Variants in RANBP17 observed in about 807,000 individuals in gnomAD.
The protein encoded by RANBP17 is RAN binding protein 17.
In RANBP17, 158 loss-of-function variants were observed where a neutral mutation model predicts 141.2. The ratio of observed to expected loss-of-function variants is 1.12; its 90% CI spans 0.98 to 1.28. The LOEUF (loss-of-function observed/expected upper bound fraction) is 1.28. RANBP17 is among the 50% of genes most tolerant of loss of function. The pLI is 0.00. For synonymous variants in RANBP17, 430 were observed against 450.0 expected, an observed-to-expected ratio of 0.96 and a Z score of 0.56; for missense variants, 1,438 against 1,290.7, an observed-to-expected ratio of 1.11 and a Z score of -1.75.
intron 14 of RANBP17, among the ~76,000 whole-genome samples, chr5:171,019,512 T>C (rs1780700264): frequency 6.6e-6 from 1 of 152,158 alleles, no homozygotes; most frequent in Non-Finnish European, 1.5e-5. Context: ...CAGGAATTTA[T>C]CCATTTCTTC....
intron 14 of RANBP17, among the ~76,000 whole-genome samples, chr5:171,057,388 A>G (rs1248983930): frequency 6.6e-6 from 1 of 152,116 alleles, no homozygotes; most frequent in African/African-American, 2.4e-5. Context: ...ATACATATTT[A>G]TATAATTATG....
chr5:171,111,743 T>A (rs35773708), intron 14 of RANBP17, among the ~76,000 whole-genome samples: 35 of 152,246 alleles, frequency 2.3e-4, no homozygotes, highest in Admixed American at 2.3e-3. Context: ...TAACTTTCTG[T>A]GATTTCTTCT....
At chr5:171,053,349 G>A (rs928544772) in intron 14 of RANBP17, among the ~76,000 whole-genome samples, 8 of 151,992 alleles carry the variant, frequency 5.3e-5, no homozygotes. Context: ...TTCAACTCTT[G>A]CTCCCTTACT....
chr5:171,199,823 T>C (rs773727872), intron 19 of RANBP17, 50 bp downstream of exon 19: 10 of 1,140,656 alleles, frequency 8.8e-6, no homozygotes, highest in Non-Finnish European at 1.3e-5. Context: ...TTTTCTAGGA[T>C]ATCTAGATCC....
At chr5:170,974,184 C>T (rs376112542) in intron 14 of RANBP17, among the ~76,000 whole-genome samples, 10 of 152,294 alleles carry the variant, frequency 6.6e-5, no homozygotes, top group African/African-American at 2.4e-4. Context: ...TGAGACTCCA[C>T]AGTGATTCAT....
intron 11 of RANBP17, among the ~76,000 whole-genome samples, chr5:170,923,863 T>C (rs1025279778): frequency 1.3e-5 from 2 of 152,216 alleles, no homozygotes; most frequent in Admixed American, 1.3e-4. Context: ...TTAGTTAAAC[T>C]TACCTATTAG....
chr5:171,149,439 TG>T (rs1758316755), intron 14 of RANBP17, among the ~76,000 whole-genome samples: 1 of 152,252 alleles, frequency 6.6e-6, no homozygotes, highest in Non-Finnish European at 1.5e-5. Context: ...TTTCACTTAC[TG>T]TATCAGCCTC....
At chr5:171,114,764 C>G (rs1036866672) in intron 14 of RANBP17, among the ~76,000 whole-genome samples, 4 of 149,894 alleles carry the variant, frequency 2.7e-5, no homozygotes, top group African/African-American at 9.9e-5. Flanking sequence ...AATCATATGC[C>G]AGACCCTTTG....
At chr5:171,002,874 C>T (rs1051940035) in intron 14 of RANBP17, among the ~76,000 whole-genome samples, 2 of 151,922 alleles carry the variant, frequency 1.3e-5, no homozygotes, top group Non-Finnish European at 2.9e-5. Context: ...GGTGTGGTTT[C>T]GGGAATAATG....
chr5:170,871,004 C>G (rs1422284318), intron 1 of RANBP17, among the ~76,000 whole-genome samples: 1 of 152,104 alleles, frequency 6.6e-6, no homozygotes, highest in Admixed American at 6.6e-5. Flanking sequence ...TGTTTCTTGG[C>G]CACATAAATG....
rs370232223 is a variant in RANBP17 at position 170,871,457 on chromosome 5, T to C, written c.19-6640T>C. Among the ~76,000 whole-genome samples, 62 of 152,330 alleles carry C rather than the reference T, an allele frequency of 4.1e-4. 1 individual carries two copies. The South Asian group carries it at 0.012, about 31-fold the overall frequency. ...GTCACATGGGTTGATTGCAAAAATG[T>C]TCTCCCATTCTGTAGATTGCCTGTT... is the stretch of plus-strand genomic sequence containing the variant. On this transcript the variant is annotated intron_variant, in intron 1 of 27. Transcript: ENST00000523189.
chr5:171,167,425 G>A (rs576865791), intron 14 of RANBP17, among the ~76,000 whole-genome samples: 41 of 152,014 alleles, frequency 2.7e-4, no homozygotes, highest in African/African-American at 8.4e-4. Flanking sequence ...GTTATTTATC[G>A]AAAACAAGAA....
At position 170,953,352 on chromosome 5, in the gene RANBP17, CAT is replaced by C. The variant is rs368451046; in HGVS notation, c.1469-243_1469-242del. Among the ~76,000 whole-genome samples, 62 of 152,202 alleles carry C rather than the reference CAT, an allele frequency of 4.1e-4. 1 individual carries two copies. The South Asian group carries it at 0.012, about 31-fold the overall frequency. ...GAGATAAGTAACTTATGCAAGATCA[CAT>C]AGCAAATTAGTAGAGCTGGGATTCA... On this transcript the variant is annotated intron_variant, in intron 12 of 27. Transcript: ENST00000523189.
chr5:170,968,527 T>A, intron 14 of RANBP17, 150 bp downstream of exon 14: 1 of 755,588 alleles, frequency 1.3e-6, no homozygotes, highest in Non-Finnish European at 2.3e-6. Context: ...AATGTAAAAT[T>A]AAGTTGCTTG....
At chr5:171,190,621 T>C (rs1210032542) in intron 18 of RANBP17, among the ~76,000 whole-genome samples, 2 of 152,104 alleles carry the variant, frequency 1.3e-5, no homozygotes, top group African/African-American at 4.8e-5. Flanking sequence ...ATTAACTTGG[T>C]CGATCTAATA....
At chr5:171,139,261 A>G (rs997281462) in intron 14 of RANBP17, among the ~76,000 whole-genome samples, 16 of 152,160 alleles carry the variant, frequency 1.1e-4, no homozygotes, top group Admixed American at 6.5e-5. Flanking sequence ...TTGGCAGATT[A>G]GAATTCTTTT....
At chr5:171,186,116 A>C (rs538457940) in intron 18 of RANBP17, among the ~76,000 whole-genome samples, 3 of 152,190 alleles carry the variant, frequency 2.0e-5, no homozygotes, top group Non-Finnish European at 4.4e-5. Flanking sequence ...ATCAACTTCA[A>C]GTCACCATCA....
At chr5:171,281,573 G>C (rs1024820693) in intron 25 of RANBP17, among the ~76,000 whole-genome samples, 2 of 152,102 alleles carry the variant, frequency 1.3e-5, no homozygotes, top group Non-Finnish European at 2.9e-5. Context: ...ATCCAATTCC[G>C]TACCAATGGT....
chr5:171,139,987 A>T (rs1025145272), intron 14 of RANBP17, among the ~76,000 whole-genome samples: 2 of 152,028 alleles, frequency 1.3e-5, no homozygotes, highest in African/African-American at 4.8e-5. Flanking sequence ...TCAGCAGCAT[A>T]AACTCTCTTA....
Sources: gnomAD v4.1 joint callset for allele counts (sites outside exome capture counted in the v4.1 genomes callset) on GRCh38, gnomAD v4.1.1 for gene constraint, MANE v1.5 for transcripts, NCBI Gene and HGNC (gene_info 2026-07-23, HGNC 2026-07-21) for gene names.